The following PLCB3 variants were observed in gnomAD, a reference collection of about 807,000 sequenced individuals.
PLCB3 encodes phospholipase C beta 3, also known as 1-phosphatidylinositol 4,5-bisphosphate phosphodiesterase beta-3.
In PLCB3, 54 loss-of-function variants were observed where a neutral mutation model predicts 152.1. The observed-to-expected ratio is 0.36, with a 90% confidence interval of 0.29 to 0.45. PLCB3 has a LOEUF of 0.45. Among genes scored for constraint, PLCB3 ranks in the 20% least tolerant of loss-of-function variants. The probability of loss-of-function intolerance (pLI) is 1.00; values close to 1 mark genes in which losing one functional copy is unlikely to be tolerated. For missense variants in PLCB3, 1,248 were observed against 1,687.5 expected (o/e 0.74, Z 4.56); for synonymous variants, 717 against 698.7 (o/e 1.03, Z -0.41).
chr11:64,262,905 C>A, intron 19 of PLCB3, 97 bp downstream of exon 19: 1 of 1,293,762 alleles, frequency 7.7e-7, no homozygotes, highest in Non-Finnish European at 1.1e-6. Flanking sequence ...ACACCGTTGG[C>A]GACTGGGGAT....
In PLCB3 at chr11:64,259,140, G is replaced by A; in HGVS notation, c.1421G>A (p.Ser474Asn). Residue 474 changes from serine (S) to asparagine (N), a missense_variant, in exon 13 of 31, where the codon AGC becomes AAC. Around this residue, in one of 6 missense-constraint regions of PLCB3, gnomAD observed 122 missense variants for 221.8 expected, o/e 0.55. Transcript: ENST00000279230. ...AAGAACAAGAAGCGGCACCGACCCA[G>A]CGCAGGTGGCCCAGACAGCGCCGGG... ...LVKNKKRHRPSAGGPDSAGRK... is the reference protein window; with the variant it reads ...LVKNKKRHRPNAGGPDSAGRK... 1 of 1,611,114 alleles carries A rather than the reference G, an allele frequency of 6.2e-7. No homozygotes were observed. Among genetic ancestry groups the A allele is most frequent in the Middle Eastern group, 1.7e-4 (1 of 6,030 alleles).
At position 64,263,889 on chromosome 11, in the gene PLCB3, G is replaced by C. The variant is rs527649343; in HGVS notation, c.2560+94G>C. 6 of 1,205,664 alleles carry C rather than the reference G, an allele frequency of 5.0e-6. No individual in the cohort carries two copies. The African/African-American group carries it at 7.5e-5, about 15-fold the overall frequency. The allele number at this position is 1,205,664 out of a possible 1,614,324, so 74.7% of individuals were successfully genotyped here. A position where few individuals can be genotyped will look rare whatever the true frequency, so the allele number is the denominator to read the frequency against. Reference sequence around the variant, plus strand: ...GGGAGTGGCCGAGCTGGATGGCCCCGACTGAGTAGGGAACTGAGTAGGGAA... The same window carrying C: ...GGGAGTGGCCGAGCTGGATGGCCCCCACTGAGTAGGGAACTGAGTAGGGAA... On this transcript the variant is annotated intron_variant, in intron 21 of 30. Transcript: ENST00000279230.
chr11:64,253,329 T>C (rs1327703192), intron 1 of PLCB3, among the ~76,000 whole-genome samples: 1 of 152,188 alleles, frequency 6.6e-6, no homozygotes, highest in Non-Finnish European at 1.5e-5. Context: ...TCCCTGTAAC[T>C]CAGTGTCCTC....
chr11:64,260,368 G>A, intron 14 of PLCB3, 134 bp downstream of exon 14: 4 of 664,844 alleles, frequency 6.0e-6, no homozygotes, highest in Non-Finnish European at 1.1e-5. Flanking sequence ...AAGGTGGGAG[G>A]AGGGCTCTTC....
In PLCB3 at chr11:64,265,329, G is replaced by A; in HGVS notation, c.2862G>A (p.Leu954=). The change falls in exon 25 of 31, where the codon CTG becomes CTA. Residue 954 remains leucine, a synonymous_variant. Coordinates refer to ENST00000279230, the MANE Select transcript of PLCB3 (RefSeq NM_000932.5). ...TCCCAGAGGTGGCCCCCACCCCGCT[G>A]GATGAGCTCCGAGGTCACAAGGCTC... The part of the protein sequence containing the change: ...SILSEVAPTP[L]DELRGHKALV... 6.2e-7 allele frequency: 1 copy of A among 1,600,872 alleles called. No homozygotes were observed. The highest frequency in any genetic ancestry group is 8.5e-7 in the Non-Finnish European group (1 of 1,173,076).
Position 64,258,080 on chromosome 11 carries a change from G to A in PLCB3, c.1013-393G>A, listed in dbSNP as rs2031632349. Among the ~76,000 whole-genome samples the A allele has an allele frequency of 6.6e-6, 1 of 151,906 alleles. No individual in the cohort carries two copies. Among genetic ancestry groups the A allele is most frequent in the Admixed American group, 6.6e-5 (1 of 15,256 alleles). ...GAGGCAGGAGAATCGCTTGAACCAG[G>A]GAGGCGGAGGTTGCAGTGAACCGAG... On this transcript the variant is annotated intron_variant, in intron 10 of 30. Coordinates refer to ENST00000279230, the MANE Select transcript of PLCB3 (RefSeq NM_000932.5). This position sits in a 1 kb window ranked among gnomAD's most constrained non-coding sequence, Gnocchi z 7.2.
Position 64,261,383 on chromosome 11 carries a change from T to C in PLCB3, c.1732-17T>C. On this transcript the variant is annotated splice_polypyrimidine_tract_variant and intron_variant, in intron 14 of 30. Transcript: ENST00000279230. ...GTGGCGGGAATGGCACTGCTGACCCTGGGTTGGGGCCCACAGGGCACAGCC... is the reference window on the plus strand; with the variant it reads ...GTGGCGGGAATGGCACTGCTGACCCCGGGTTGGGGCCCACAGGGCACAGCC... The C allele has an allele frequency of 1.2e-6, 2 of 1,605,674 alleles. No homozygotes were observed. Among genetic ancestry groups the C allele is most frequent in the East Asian group, 2.2e-5 (1 of 44,850 alleles).
In PLCB3 at chr11:64,260,109, A is replaced by C; in HGVS notation, c.1606A>C (p.Lys536Gln). 1 of 1,612,336 alleles carries C rather than the reference A, an allele frequency of 6.2e-7. No homozygotes were observed. Residue 536 changes from lysine (K) to glutamine (Q), a missense_variant, in exon 14 of 31, where the codon AAG becomes CAG. Transcript: ENST00000279230. ...GLEKPSLEPQ[K>Q]SLGDEGLNRG... ...TGAGAAGCCCAGCCTGGAGCCTCAG[A>C]AGTCTCTGGGTGACGAGGGCCTGAA...
Position 64,264,130 on chromosome 11 carries a change from A to G in PLCB3, c.2652+18A>G. 1 of 1,500,126 alleles carries G rather than the reference A, an allele frequency of 6.7e-7. No individual in the cohort carries two copies. The highest frequency in any genetic ancestry group is 8.9e-7 in the Non-Finnish European group (1 of 1,118,778). 92.9% of individuals were successfully genotyped at this position (1,500,126 alleles called of 1,614,324 possible). A position where few individuals can be genotyped will look rare whatever the true frequency, so the allele number is the denominator to read the frequency against. On this transcript the variant is annotated intron_variant, in intron 22 of 30. Coordinates refer to ENST00000279230, the MANE Select transcript of PLCB3 (RefSeq NM_000932.5). ...AGAGTGAGGTGAGCCGGGGCAGGGC[A>G]GGGCTCAGGCTCACTGTGACCCAGG...
chr11:64,267,298 A>T lies in PLCB3; in HGVS notation c.3501+27A>T. 6.4e-7 allele frequency: 1 copy of T among 1,550,812 alleles called. No individual in the cohort carries two copies. On this transcript the variant is annotated intron_variant, in intron 30 of 30. Coordinates refer to ENST00000279230, the MANE Select transcript of PLCB3 (RefSeq NM_000932.5). The surrounding 1 kb of genome is among the most constrained non-coding windows in gnomAD (Gnocchi z 5.2). ...TGAGGCCATGGGCGAACAGGTGGGC[A>T]GACGGGGTGCAAGGCAGCCAGGCCT...
intron 2 of PLCB3, 81 bp downstream of exon 2, chr11:64,254,573 C>T (rs557522855): frequency 1.7e-5 from 24 of 1,432,530 alleles, no homozygotes; most frequent in Middle Eastern, 2.1e-4. Context: ...GGGTGGGGCC[C>T]GGCTGCAGGC....
chr11:64,263,716 C>T lies in PLCB3; in HGVS notation c.2481C>T (p.Asn827=), dbSNP rs377311495. The part of the protein sequence containing the change: ...RSGYHYVCLR[N]EANQPLCLPA... ...GATACCACTACGTCTGCCTGCGGAA[C>T]GAGGCCAACCAACCGCTGTGCCTGC... is the stretch of plus-strand genomic sequence containing the variant. The change falls in exon 21 of 31, where the codon AAC becomes AAT. Residue 827 remains asparagine, a synonymous_variant. Coordinates refer to ENST00000279230, the MANE Select transcript of PLCB3 (RefSeq NM_000932.5). 58 of 1,613,410 alleles carry T rather than the reference C, an allele frequency of 3.6e-5. No individual in the cohort carries two copies. Among genetic ancestry groups the T allele is most frequent in the East Asian group, 1.1e-4 (5 of 44,890 alleles).
rs373930834 is a variant in PLCB3 at position 64,258,991 on chromosome 11, G to C, written c.1338+22G>C. 3.7e-6 allele frequency: 6 copies of C among 1,613,282 alleles called. No individual in the cohort carries two copies. Among genetic ancestry groups the C allele is most frequent in the East Asian group, 2.2e-5 (1 of 44,876 alleles). On this transcript the variant is annotated intron_variant, in intron 12 of 30. Transcript: ENST00000279230. This position sits in a 1 kb window ranked among gnomAD's most constrained non-coding sequence, Gnocchi z 7.2. ...CCCGGTACGGGAGCTCGGAGCGAGG[G>C]GGGTGGCATGGGGGCCAGGGTGCTG... is the stretch of plus-strand genomic sequence containing the variant.
downstream of PLCB3, among the ~76,000 whole-genome samples, chr11:64,268,179 T>C (rs1044041848): frequency 6.6e-6 from 1 of 152,186 alleles, no homozygotes; most frequent in African/African-American, 2.4e-5. Flanking sequence ...TTCTCTCTTT[T>C]CTGAGGCTCA....
rs764917582 is a variant in PLCB3, at chr11:64,255,229, C to T, written c.388-5C>T. 1.5e-5 allele frequency: 24 copies of T among 1,612,394 alleles called. No homozygotes were observed. The South Asian group carries it at 2.3e-4, about 15-fold the overall frequency. The stretch of plus-strand genomic sequence containing the variant: ...ACCGCCTCCCCGTGTATACTGGCCC[C>T]CCAGGTCTGGTCTGAGGAGCTATTC... On this transcript the variant is annotated splice_polypyrimidine_tract_variant and splice_region_variant and intron_variant, in intron 4 of 30. Transcript: ENST00000279230. The surrounding 1 kb of genome is among the most constrained non-coding windows in gnomAD (Gnocchi z 6.8).
chr11:64,267,628 C>G lies in PLCB3; in HGVS notation c.*72C>G. The G allele has an allele frequency of 1.3e-6, 1 of 772,822 alleles. No homozygotes were observed. Among genetic ancestry groups the G allele is most frequent in the South Asian group, 1.9e-5 (1 of 52,554 alleles). 47.9% of individuals were successfully genotyped at this position (772,822 alleles called of 1,614,324 possible). A position where few individuals can be genotyped will look rare whatever the true frequency, so the allele number is the denominator to read the frequency against. On this transcript the variant is annotated 3_prime_UTR_variant, in exon 31 of 31. Coordinates refer to ENST00000279230, the MANE Select transcript of PLCB3 (RefSeq NM_000932.5). This position sits in a 1 kb window ranked among gnomAD's most constrained non-coding sequence, Gnocchi z 5.2. ...AGGGCAGGAGGCAATGACACTAATG[C>G]TTTTTTTTTTTTTTTTTAACTTTTT...
rs202029317 is a variant in PLCB3 at position 64,259,990 on chromosome 11, T to C, written c.1526-39T>C. 76 of 1,555,494 alleles carry C rather than the reference T, an allele frequency of 4.9e-5. No individual in the cohort carries two copies. The South Asian group carries it at 6.3e-4, about 13-fold the overall frequency. On this transcript the variant is annotated intron_variant, in intron 13 of 30. Transcript: ENST00000279230. ...CCTCCAGACTTCCTAAGCAGCTGTG[T>C]GGTCCTGACCCCTCACCCTGTGGCC...
At position 64,255,740 on chromosome 11, in the gene PLCB3, A is replaced by T; in HGVS notation, c.617A>T (p.Asp206Val). The change falls in exon 8 of 31, where the codon GAT becomes GTT. Residue 206 changes from aspartate to valine, a missense_variant. This residue lies in a region of PLCB3 where 299 missense variants were observed against 434.7 expected (regional missense o/e 0.69). Transcript: ENST00000279230. The surrounding 1 kb of genome is among the most constrained non-coding windows in gnomAD (Gnocchi z 6.8). ...CTCCAGAGTGAGTCCATCCGGCCTG[A>T]TGAGTTTTCCTTGGAAATCTTTGAG... ...KFNRSESIRP[D>V]EFSLEIFERF... 1 of 1,614,014 alleles carries T rather than the reference A, an allele frequency of 6.2e-7. No individual in the cohort carries two copies. The highest frequency in any genetic ancestry group is 1.1e-5 in the South Asian group (1 of 91,086).
Position 64,255,589 on chromosome 11 carries a change from G to A in PLCB3, c.570G>A (p.Leu190=). 1 of 1,611,672 alleles carries A rather than the reference G, an allele frequency of 6.2e-7. No individual in the cohort carries two copies. Among genetic ancestry groups the A allele is most frequent in the East Asian group, 2.2e-5 (1 of 44,784 alleles). The change falls in exon 7 of 31, where the codon CTG becomes CTA. Residue 190 remains leucine (L), a synonymous_variant. Transcript: ENST00000279230. The surrounding 1 kb of genome is among the most constrained non-coding windows in gnomAD (Gnocchi z 6.8). ...ACAAGAAGCGGGTGGAGACTGCGCT[G>A]GAATCCTGTGGCCTCAAATTCAACC... ...SADKKRVETA[L]ESCGLKFNRS...
Sources: allele counts gnomAD v4.1 joint callset (sites outside exome capture counted in the v4.1 genomes callset), GRCh38; gene constraint gnomAD v4.1.1; regional missense constraint gnomAD v4.1.1; non-coding constraint Gnocchi (gnomAD v3.1); transcripts MANE v1.5; gene names NCBI Gene and HGNC (gene_info 2026-07-23, HGNC 2026-07-21).